Variants in COG5 observed in about 807,000 individuals in gnomAD.
COG5 encodes the protein component of oligomeric golgi complex 5, also known as conserved oligomeric Golgi complex subunit 5.
COG5 carries 86 observed loss-of-function variants against 110.4 expected under a neutral mutation model. That is an observed-to-expected ratio of 0.78 (90% CI 0.65 to 0.93). COG5 has a LOEUF of 0.93. Ranked by LOEUF, COG5 falls within the 40% of genes least tolerant of loss-of-function variation. The probability of loss-of-function intolerance (pLI) is 0.00; values close to 1 mark genes in which losing one functional copy is unlikely to be tolerated. For missense variants in COG5, 1,077 were observed against 987.0 expected, an observed-to-expected ratio of 1.09 and a Z score of -1.22; for synonymous variants, 360 against 334.6, an observed-to-expected ratio of 1.08 and a Z score of -0.83.
chr7:107,435,011 C>A (rs1434287685), intron 6 of COG5, among the ~76,000 whole-genome samples: 2 of 150,762 alleles, frequency 1.3e-5, no homozygotes, highest in Admixed American at 1.3e-4. Flanking sequence ...CATATTGCAA[C>A]ACAGATTATG....
intron 6 of COG5, among the ~76,000 whole-genome samples, chr7:107,509,791 G>A (rs888317110): frequency 1.3e-5 from 2 of 152,124 alleles, no homozygotes; most frequent in Non-Finnish European, 2.9e-5. Flanking sequence ...TTCATATCCA[G>A]CCAAACTAAG....
chr7:107,445,193 C>T (rs549079003), intron 6 of COG5, among the ~76,000 whole-genome samples: 2 of 151,918 alleles, frequency 1.3e-5, no homozygotes, highest in African/African-American at 4.8e-5. Flanking sequence ...ACAGCAAGAC[C>T]CTGTCTCAAA....
intron 10 of COG5, among the ~76,000 whole-genome samples, chr7:107,349,013 C>T (rs1048133526): frequency 6.6e-6 from 1 of 152,118 alleles, no homozygotes; most frequent in Admixed American, 6.5e-5. Context: ...ACACATGTAC[C>T]AACATGCCTG....
At chr7:107,502,183 G>C (rs982086963) in intron 6 of COG5, among the ~76,000 whole-genome samples, 1 of 151,940 alleles carries the variant, frequency 6.6e-6, no homozygotes, top group Non-Finnish European at 1.5e-5. Context: ...TTCCTCTTCT[G>C]AATCTCCAAA....
intron 7 of COG5, 76 bp from the exon 8 acceptor site, chr7:107,372,836 T>C (rs76583802): frequency 4.2e-6 from 6 of 1,416,044 alleles, no homozygotes; most frequent in Middle Eastern, 1.8e-4. Flanking sequence ...TATACAACTT[T>C]AAGCAGGACT....
intron 12 of COG5, among the ~76,000 whole-genome samples, chr7:107,290,389 A>AT (rs1806062925): frequency 6.6e-6 from 1 of 152,192 alleles, no homozygotes. Flanking sequence ...AAACCTCTAA[A>AT]TTAATAGAGA....
intron 10 of COG5, among the ~76,000 whole-genome samples, chr7:107,341,136 T>A (rs577660228): frequency 1.3e-5 from 2 of 152,234 alleles, no homozygotes; most frequent in South Asian, 4.1e-4. Context: ...TCCTAAAGAT[T>A]ACACCATAAG....
At chr7:107,256,600 T>C in intron 16 of COG5, 132 bp downstream of exon 16, 1 of 671,012 alleles carries the variant, frequency 1.5e-6, no homozygotes, top group South Asian at 1.7e-5. Context: ...CTCTTTAGGA[T>C]AATTATCAAC....
intron 1 of COG5, among the ~76,000 whole-genome samples, chr7:107,560,724 A>C (rs1483143653): frequency 2.6e-5 from 4 of 152,230 alleles, no homozygotes; most frequent in African/African-American, 9.7e-5. Flanking sequence ...CTATTTGTTC[A>C]TATGTAGGTT....
intron 6 of COG5, among the ~76,000 whole-genome samples, chr7:107,465,664 T>C (rs187270931): frequency 3.4e-4 from 52 of 152,294 alleles, no homozygotes; most frequent in African/African-American, 1.3e-3. Flanking sequence ...AAGACACCAG[T>C]GATTACAGTC....
chr7:107,229,920 G>A (rs1329961795), intron 19 of COG5, among the ~76,000 whole-genome samples: 1 of 145,708 alleles, frequency 6.9e-6, no homozygotes, highest in Non-Finnish European at 1.5e-5. Context: ...GCGTGATCTC[G>A]GCTCACTGCA....
chr7:107,541,182 A>G (rs1395995118), intron 5 of COG5, among the ~76,000 whole-genome samples: 2 of 150,188 alleles, frequency 1.3e-5, no homozygotes, highest in Admixed American at 6.7e-5. Flanking sequence ...AAACATGTAT[A>G]TGTTCAAGAA....
intron 6 of COG5, among the ~76,000 whole-genome samples, chr7:107,521,030 A>G (rs1275943342): frequency 6.6e-6 from 1 of 152,236 alleles, no homozygotes; most frequent in Non-Finnish European, 1.5e-5. Context: ...TTGGACAACA[A>G]CAAGCAATGG....
intron 21 of COG5, among the ~76,000 whole-genome samples, chr7:107,206,507 C>T (rs565122550): frequency 1.3e-5 from 2 of 152,346 alleles, no homozygotes; most frequent in South Asian, 4.1e-4. Flanking sequence ...ATTGTCTCCA[C>T]TCCCCAAATG....
In COG5 at chr7:107,405,415, C is replaced by T. The variant is rs145212884; in HGVS notation, c.669+7087G>A. ...AAAGGCACTAGCTCCCAAACACAGG[C>T]TCTTTCTACTACGACAGCCTGCTTC... On this transcript the variant is annotated intron_variant, in intron 7 of 21. Coordinates refer to ENST00000297135, the MANE Select transcript of COG5 (RefSeq NM_006348.5). Among the ~76,000 whole-genome samples, 7 of 152,306 alleles carry T rather than the reference C, an allele frequency of 4.6e-5. No homozygotes were observed. The East Asian group carries it at 1.4e-3, about 29-fold the overall frequency.
At chr7:107,555,702 T>C (rs1417035588) in intron 2 of COG5, among the ~76,000 whole-genome samples, 1 of 151,934 alleles carries the variant, frequency 6.6e-6, no homozygotes, top group East Asian at 1.9e-4. Flanking sequence ...TTTCCAAGAG[T>C]TGTGGAAGAC....
In COG5 at chr7:107,311,644, C is replaced by T. The variant is rs1459179444; in HGVS notation, c.1108+12796G>A. Among the ~76,000 whole-genome samples the T allele has an allele frequency of 5.3e-5, 8 of 151,694 alleles. No homozygotes were observed. The East Asian group carries it at 1.4e-3, about 26-fold the overall frequency. On this transcript the variant is annotated intron_variant, in intron 11 of 21. Coordinates refer to ENST00000297135, the MANE Select transcript of COG5 (RefSeq NM_006348.5). ...TCCTGACCTCATGATCCACCTGCCT[C>T]GGCCTCCCAAAGTGCTGGGATTACA...
intron 5 of COG5, among the ~76,000 whole-genome samples, chr7:107,532,268 G>A (rs1443333428): frequency 1.3e-5 from 2 of 152,090 alleles, no homozygotes; most frequent in African/African-American, 2.4e-5. Context: ...TGTTGGCCAG[G>A]CTGATCTCGA....
intron 6 of COG5, among the ~76,000 whole-genome samples, chr7:107,457,865 C>A (rs1795761958): frequency 1.3e-5 from 2 of 152,106 alleles, no homozygotes. Flanking sequence ...GCAACAACCA[C>A]AACAAAAACA....
Sources: allele counts gnomAD v4.1 joint callset (sites outside exome capture counted in the v4.1 genomes callset), GRCh38; gene constraint gnomAD v4.1.1; transcripts MANE v1.5; gene names NCBI Gene and HGNC (gene_info 2026-07-23, HGNC 2026-07-21).